RBFOX1: variants seen among roughly 807,000 people sequenced by gnomAD.
The protein encoded by RBFOX1 is RNA binding protein fox-1 homolog 1.
Under a neutral mutation model 57.7 loss-of-function variants are expected in RBFOX1, and 8 were observed. That is an observed-to-expected ratio of 0.14 (90% CI 0.08 to 0.25). RBFOX1 has a LOEUF of 0.25. Ranked by LOEUF, RBFOX1 falls within the 10% of genes least tolerant of loss-of-function variation. The pLI, the probability that RBFOX1 is intolerant of heterozygous loss-of-function variation, is 1.00. For missense variants in RBFOX1, 611 were observed against 548.5 expected, an observed-to-expected ratio of 1.11 and a Z score of -1.14; for synonymous variants, 326 against 222.4, an observed-to-expected ratio of 1.47 and a Z score of -4.15.
At chr16:5,945,558 A>T (rs1371367592) in intron 4 of RBFOX1, among the ~76,000 whole-genome samples, 2 of 152,214 alleles carry the variant, frequency 1.3e-5, no homozygotes, top group Non-Finnish European at 2.9e-5. Flanking sequence ...GGATATTGTT[A>T]TGATGTCATC....
At chr16:6,197,311 C>T (rs1340824466) in intron 1 of RBFOX1, among the ~76,000 whole-genome samples, 1 of 151,972 alleles carries the variant, frequency 6.6e-6, no homozygotes, top group Non-Finnish European at 1.5e-5. Flanking sequence ...TTTTATCATC[C>T]GTATCTCCCA....
At chr16:7,677,584 AAGCCGT>A (rs1264314199) in intron 14 of RBFOX1, among the ~76,000 whole-genome samples, 1 of 152,148 alleles carries the variant, frequency 6.6e-6, no homozygotes, top group Non-Finnish European at 1.5e-5. Flanking sequence ...CTGAAACAGC[AAGCCGT>A]AGCTACTTTT....
intron 4 of RBFOX1, among the ~76,000 whole-genome samples, chr16:7,103,108 G>A (rs982402506): frequency 3.3e-5 from 5 of 151,396 alleles, no homozygotes; most frequent in African/African-American, 1.2e-4. Flanking sequence ...TCTGAAAAGT[G>A]TGGGTGCTTT....
At chr16:6,898,089 G>A (rs2067411430) in intron 3 of RBFOX1, among the ~76,000 whole-genome samples, 1 of 152,196 alleles carries the variant, frequency 6.6e-6, no homozygotes, top group East Asian at 1.9e-4. Context: ...TCAAAGAAAT[G>A]AGGTGAACCG....
intron 9 of RBFOX1, among the ~76,000 whole-genome samples, chr16:7,602,639 A>G (rs1189502057): frequency 6.6e-6 from 1 of 152,156 alleles, no homozygotes; most frequent in Admixed American, 6.5e-5. Context: ...ATGTGGGTTC[A>G]TTTGCATGTG....
chr16:6,176,143 AATTT>A (rs932175393), intron 1 of RBFOX1, among the ~76,000 whole-genome samples: 1 of 151,606 alleles, frequency 6.6e-6, no homozygotes, highest in African/African-American at 2.4e-5. Flanking sequence ...CATCATTAGT[AATTT>A]ATTTATTTTT....
At chr16:7,265,173 G>T (rs551740168) in intron 4 of RBFOX1, among the ~76,000 whole-genome samples, 1 of 152,162 alleles carries the variant, frequency 6.6e-6, no homozygotes, top group African/African-American at 2.4e-5. Context: ...CTATCCAGTT[G>T]CCATAGCAAA....
chr16:6,351,235 T>C (rs866747835), intron 2 of RBFOX1, among the ~76,000 whole-genome samples: 12 of 151,142 alleles, frequency 7.9e-5, no homozygotes, highest in Middle Eastern at 3.6e-3. Context: ...TGTGTAATTA[T>C]ATATATGCAT....
intron 4 of RBFOX1, among the ~76,000 whole-genome samples, chr16:7,434,981 C>A (rs1430882010): frequency 6.6e-6 from 1 of 152,182 alleles, no homozygotes; most frequent in East Asian, 1.9e-4. Context: ...CTTCAGTGAT[C>A]CGCCTGCCTT....
chr16:6,713,850 C>T (rs17141052), intron 3 of RBFOX1, among the ~76,000 whole-genome samples: 1 of 152,142 alleles, frequency 6.6e-6, no homozygotes, highest in Admixed American at 6.6e-5. Flanking sequence ...TGGCAAGATC[C>T]TTGGTAAGAC....
chr16:5,546,638 C>G (rs921553876), intron 2 of RBFOX1, among the ~76,000 whole-genome samples: 3 of 152,144 alleles, frequency 2.0e-5, no homozygotes, highest in Non-Finnish European at 4.4e-5. Context: ...AGATATACAA[C>G]CTAAATCTGT....
intron 4 of RBFOX1, among the ~76,000 whole-genome samples, chr16:7,067,482 G>C (rs1476043572): frequency 1.3e-5 from 2 of 151,286 alleles, no homozygotes; most frequent in Admixed American, 6.6e-5. Flanking sequence ...TGCAGTCAGA[G>C]TCCAATTCCC....
At chr16:5,540,563 G>A (rs988196572) in intron 2 of RBFOX1, among the ~76,000 whole-genome samples, 2 of 152,162 alleles carry the variant, frequency 1.3e-5, no homozygotes, top group African/African-American at 4.8e-5. Context: ...CCACAGTAAC[G>A]GATCTTTAGT....
intron 2 of RBFOX1, among the ~76,000 whole-genome samples, chr16:6,382,528 T>C (rs547976249): frequency 3.5e-4 from 53 of 152,210 alleles, no homozygotes; most frequent in African/African-American, 1.2e-3. Context: ...GTCCTATCTG[T>C]GTGATGAGGA....
chr16:7,581,345 G>A (rs1000659964), intron 6 of RBFOX1, among the ~76,000 whole-genome samples: 1 of 152,212 alleles, frequency 6.6e-6, no homozygotes, highest in Non-Finnish European at 1.5e-5. Context: ...GGTTAAGTGT[G>A]TGTGAGGCAG....
chr16:7,570,981 A>G (rs2092713053), intron 5 of RBFOX1, among the ~76,000 whole-genome samples: 1 of 152,204 alleles, frequency 6.6e-6, no homozygotes, highest in African/African-American at 2.4e-5. Flanking sequence ...CTGATGCAGG[A>G]ACAGAAAACC....
At chr16:5,363,944 C>G (rs377090816) in intron 1 of RBFOX1, among the ~76,000 whole-genome samples, 3 of 152,320 alleles carry the variant, frequency 2.0e-5, no homozygotes, top group South Asian at 2.1e-4. Context: ...TCCAGCTGGT[C>G]TCTGCTTTGC....
intron 3 of RBFOX1, among the ~76,000 whole-genome samples, chr16:6,952,018 T>G (rs957456482): frequency 2.0e-5 from 3 of 152,200 alleles, no homozygotes; most frequent in Admixed American, 1.3e-4. Context: ...ACAGGAAAGA[T>G]AATTGTGGCC....
chr16:7,138,817 C>G (rs1207200228), intron 4 of RBFOX1, among the ~76,000 whole-genome samples: 3 of 152,068 alleles, frequency 2.0e-5, no homozygotes, highest in African/African-American at 7.2e-5. Context: ...TAAACTCAGA[C>G]TTTTTTTATA....
Sources: gnomAD v4.1 joint callset for allele counts (sites outside exome capture counted in the v4.1 genomes callset) on GRCh38, gnomAD v4.1.1 for gene constraint, MANE v1.5 for transcripts, NCBI Gene and HGNC (gene_info 2026-07-23, HGNC 2026-07-21) for gene names.